The following DERA variants were observed in gnomAD, a reference collection of about 807,000 sequenced individuals.
DERA encodes deoxyribose-phosphate aldolase, also known as 2-deoxy-D-ribose 5-phosphate aldolase.
DERA carries 15 observed loss-of-function variants against 41.1 expected under a neutral mutation model. That is an observed-to-expected ratio of 0.37 (90% CI 0.24 to 0.56). The LOEUF is 0.56. DERA is among the 20% of genes least tolerant of loss of function. The pLI, the probability that DERA is intolerant of heterozygous loss-of-function variation, is 0.81. For synonymous variants in DERA, 139 were observed against 137.4 expected, an observed-to-expected ratio of 1.01 and a Z score of -0.08; for missense variants, 396 against 403.4, an observed-to-expected ratio of 0.98 and a Z score of 0.16.
chr12:15,979,762 T>G (rs1948721242), intron 5 of DERA, among the ~76,000 whole-genome samples: 1 of 152,250 alleles, frequency 6.6e-6, no homozygotes, highest in South Asian at 2.1e-4. Context: ...TCATTCTGTT[T>G]GGATCATGGA....
intron 1 of DERA, among the ~76,000 whole-genome samples, chr12:15,930,249 A>G (rs1310020724): frequency 6.6e-6 from 1 of 152,178 alleles, no homozygotes; most frequent in African/African-American, 2.4e-5. Context: ...TGAGGGAAAA[A>G]AATTCAAAGA....
In DERA at chr12:15,966,532, T is replaced by C. The variant is rs1214047489; in HGVS notation, c.508+3585T>C. 2.0e-5 allele frequency among the ~76,000 whole-genome samples: 3 copies of C among 152,118 alleles called. No homozygotes were observed. The highest frequency in any genetic ancestry group is 4.1e-4 in the South Asian group (2 of 4,830). ...TTGTCTTGAGAAGTTCAAACTAATA[T>C]ACTAATGACCTGTCATCTCATTATG... On this transcript the variant is annotated intron_variant, in intron 5 of 8. Transcript: ENST00000428559. This position sits in a 1 kb window ranked among gnomAD's most constrained non-coding sequence, Gnocchi z 5.1.
intron 4 of DERA, 69 bp from the exon 5 acceptor site, chr12:15,962,744 T>TC (rs767242508): frequency 1.9e-5 from 26 of 1,382,888 alleles, no homozygotes; most frequent in East Asian, 2.5e-5. Flanking sequence ...TGTTTTCCCC[T>TC]CCCCCCCTTG....
rs567202504 is a variant in DERA at position 15,990,992 on chromosome 12, C to T, written c.637+8556C>T. On this transcript the variant is annotated intron_variant, in intron 6 of 8. Coordinates refer to ENST00000428559, the MANE Select transcript of DERA (RefSeq NM_015954.4). This position sits in a 1 kb window ranked among gnomAD's most constrained non-coding sequence, Gnocchi z 4.3. ...ATACACAGTAATGGGATTCCTGGGTCGAAAGGTATTTCTGTCTTTAGATCT... is the reference window on the plus strand; with the variant it reads ...ATACACAGTAATGGGATTCCTGGGTTGAAAGGTATTTCTGTCTTTAGATCT... 3.3e-5 allele frequency among the ~76,000 whole-genome samples: 5 copies of T among 152,130 alleles called. No homozygotes were observed. The East Asian group carries it at 5.8e-4, about 18-fold the overall frequency.
At chr12:15,926,323 G>A (rs537907467) in intron 1 of DERA, among the ~76,000 whole-genome samples, 6 of 152,204 alleles carry the variant, frequency 3.9e-5, no homozygotes, top group South Asian at 4.1e-4. Flanking sequence ...CACTGCTCTT[G>A]GCTCACTGAG....
chr12:15,932,038 AC>A (rs1270932478), intron 1 of DERA, among the ~76,000 whole-genome samples: 5 of 152,112 alleles, frequency 3.3e-5, no homozygotes, highest in Non-Finnish European at 7.3e-5. Flanking sequence ...AGCCAAATAA[AC>A]CCCTTTTCTT....
At chr12:15,956,548 C>T (rs527754758) in intron 1 of DERA, 7 of 352,764 alleles carry the variant, frequency 2.0e-5, no homozygotes, top group Non-Finnish European at 3.9e-5. Context: ...TAATCATTTG[C>T]TCTCCTGGGC....
At chr12:16,031,635 GGTAT>G (rs774943321) in intron 6 of DERA, among the ~76,000 whole-genome samples, 3 of 152,118 alleles carry the variant, frequency 2.0e-5, no homozygotes, top group Non-Finnish European at 2.9e-5. Flanking sequence ...TCTTTGTTTG[GGTAT>G]CTGACTGTGT....
In DERA at chr12:15,982,218, T is replaced by G; in HGVS notation, c.509-90T>G. 1 of 1,285,222 alleles carries G rather than the reference T, an allele frequency of 7.8e-7. No homozygotes were observed. Among genetic ancestry groups the G allele is most frequent in the South Asian group, 1.5e-5 (1 of 66,228 alleles). The allele number at this position is 1,285,222 out of a possible 1,614,324, so 79.6% of individuals were successfully genotyped here. On this transcript the variant is annotated intron_variant, in intron 5 of 8. Coordinates refer to ENST00000428559, the MANE Select transcript of DERA (RefSeq NM_015954.4). The surrounding 1 kb of genome is among the most constrained non-coding windows in gnomAD (Gnocchi z 4.0). Reference sequence around the variant, plus strand: ...TGACAAATGTTTTATGTTTCCTAAATGTGAAATGGGTTCCACCAGCTCTAA... The same window carrying G: ...TGACAAATGTTTTATGTTTCCTAAAGGTGAAATGGGTTCCACCAGCTCTAA...
chr12:15,933,888 C>T (rs1948346775), intron 1 of DERA, among the ~76,000 whole-genome samples: 1 of 152,072 alleles, frequency 6.6e-6, no homozygotes, highest in African/African-American at 2.4e-5. Context: ...CTGTTATGCC[C>T]TATATTTAGC....
chr12:15,953,801 C>T (rs1016275706), intron 1 of DERA, among the ~76,000 whole-genome samples: 1 of 152,056 alleles, frequency 6.6e-6, no homozygotes, highest in Non-Finnish European at 1.5e-5. Flanking sequence ...TTTCTTTTCC[C>T]CAGACCCCAT....
In DERA at chr12:16,001,364, C is replaced by G. The variant is rs1208119693; in HGVS notation, c.637+18928C>G. Among the ~76,000 whole-genome samples the G allele has an allele frequency of 6.6e-6, 1 of 152,134 alleles. No individual in the cohort carries two copies. The highest frequency in any genetic ancestry group is 1.5e-5 in the Non-Finnish European group (1 of 68,028). ...GAATATACTTTTCAGCTAAACCCAC[C>G]CCTTTCCACTGGCTGTTTTCTTTGG... On this transcript the variant is annotated intron_variant, in intron 6 of 8. Transcript: ENST00000428559. The surrounding 1 kb of genome is among the most constrained non-coding windows in gnomAD (Gnocchi z 4.1).
At chr12:15,920,899 C>T (rs1191507476) in intron 1 of DERA, among the ~76,000 whole-genome samples, 1 of 152,174 alleles carries the variant, frequency 6.6e-6, no homozygotes, top group Non-Finnish European at 1.5e-5. Flanking sequence ...GCCCATGAGT[C>T]TGCATTTTTA....
intron 6 of DERA, among the ~76,000 whole-genome samples, chr12:15,987,837 G>T (rs146416205): frequency 3.7e-4 from 57 of 152,180 alleles, no homozygotes; most frequent in African/African-American, 1.3e-3. Context: ...CCGGCAGGCT[G>T]CACTTGGCTC....
At position 15,984,863 on chromosome 12, in the gene DERA, T is replaced by C. The variant is rs1179524020; in HGVS notation, c.637+2427T>C. On this transcript the variant is annotated intron_variant, in intron 6 of 8. Transcript: ENST00000428559. The surrounding 1 kb of genome is among the most constrained non-coding windows in gnomAD (Gnocchi z 4.5). ...TTGAAATATTTTGAAATATTTTTTATATTCTTGTCCCAATTTTATATGTAA... is the reference window on the plus strand; with the variant it reads ...TTGAAATATTTTGAAATATTTTTTACATTCTTGTCCCAATTTTATATGTAA... Among the ~76,000 whole-genome samples, 1 of 152,258 alleles carries C rather than the reference T, an allele frequency of 6.6e-6. No individual in the cohort carries two copies. The highest frequency in any genetic ancestry group is 2.4e-5 in the African/African-American group (1 of 41,468).
At chr12:15,929,836 G>T (rs1306035474) in intron 1 of DERA, among the ~76,000 whole-genome samples, 1 of 152,128 alleles carries the variant, frequency 6.6e-6, no homozygotes, top group African/African-American at 2.4e-5. Context: ...CCCAGTTAGA[G>T]AATTTGGTTA....
intron 6 of DERA, among the ~76,000 whole-genome samples, chr12:15,987,324 C>T (rs377558509): frequency 1.1e-4 from 16 of 150,782 alleles, no homozygotes; most frequent in African/African-American, 3.7e-4. Flanking sequence ...GCAACCTCCA[C>T]CTCCCAGGTT....
chr12:15,997,310 G>A (rs1948844797), intron 6 of DERA, among the ~76,000 whole-genome samples: 1 of 151,836 alleles, frequency 6.6e-6, no homozygotes, highest in Non-Finnish European at 1.5e-5. Flanking sequence ...TTCTTTATTT[G>A]CTGTTTAAAA....
chr12:15,927,608 T>G (rs1948296641), intron 1 of DERA, among the ~76,000 whole-genome samples: 1 of 152,158 alleles, frequency 6.6e-6, no homozygotes, highest in African/African-American at 2.4e-5. Flanking sequence ...TCATACAAAC[T>G]TTTCATAGTT....
Sources: allele counts gnomAD v4.1 joint callset (sites outside exome capture counted in the v4.1 genomes callset), GRCh38; gene constraint gnomAD v4.1.1; non-coding constraint Gnocchi (gnomAD v3.1); transcripts MANE v1.5; gene names NCBI Gene and HGNC (gene_info 2026-07-23, HGNC 2026-07-21).